JARID2: variants seen among roughly 807,000 people sequenced by gnomAD.
JARID2 encodes protein Jumonji.
In JARID2, 21 loss-of-function variants were observed where a neutral mutation model predicts 125.6. That is an observed-to-expected ratio of 0.17 (90% CI 0.12 to 0.24). JARID2 has a LOEUF of 0.24. Among genes scored for constraint, JARID2 ranks in the 10% least tolerant of loss-of-function variants. JARID2 has a pLI of 1.00. For missense variants in JARID2, 1,303 were observed against 1,639.6 expected (o/e 0.79, Z 3.55); for synonymous variants, 736 against 661.6 (o/e 1.11, Z -1.73).
At chr6:15,345,450 C>G (rs1763213522) in intron 1 of JARID2, among the ~76,000 whole-genome samples, 1 of 152,148 alleles carries the variant, frequency 6.6e-6, no homozygotes, top group African/African-American at 2.4e-5. Context: ...CGAGCTTACT[C>G]ATTGATCTTG....
intron 1 of JARID2, among the ~76,000 whole-genome samples, chr6:15,255,275 T>C (rs916856160): frequency 6.6e-6 from 1 of 151,976 alleles, no homozygotes; most frequent in Admixed American, 6.6e-5. Flanking sequence ...CAGCTAATTT[T>C]TGTATTTTTA....
intron 1 of JARID2, among the ~76,000 whole-genome samples, chr6:15,263,414 A>G (rs1421520091): frequency 1.3e-5 from 2 of 152,082 alleles, no homozygotes; most frequent in South Asian, 2.1e-4. Context: ...TGAACCAAAA[A>G]TGGTTTTTAT....
chr6:15,360,416 C>A (rs953667342), intron 1 of JARID2, among the ~76,000 whole-genome samples: 1 of 152,086 alleles, frequency 6.6e-6, no homozygotes, highest in African/African-American at 2.4e-5. Flanking sequence ...AACTCCTGAC[C>A]TCGTGATCTG....
chr6:15,422,867 GT>G (rs1766560169), intron 3 of JARID2, among the ~76,000 whole-genome samples: 1 of 151,970 alleles, frequency 6.6e-6, no homozygotes. Flanking sequence ...TATTGCTCCA[GT>G]TTACAGGAAG....
chr6:15,440,283 C>T (rs1231088659), intron 3 of JARID2, among the ~76,000 whole-genome samples: 1 of 152,168 alleles, frequency 6.6e-6, no homozygotes, highest in Non-Finnish European at 1.5e-5. Context: ...GCGGACTGGT[C>T]CTTGGCTGAT....
At chr6:15,455,099 C>T (rs1291292040) in intron 4 of JARID2, among the ~76,000 whole-genome samples, 2 of 151,060 alleles carry the variant, frequency 1.3e-5, no homozygotes, top group African/African-American at 2.4e-5. Context: ...GAGGCTGACA[C>T]GGTGGAATCC....
chr6:15,506,383 C>T (rs1404355425), intron 9 of JARID2, among the ~76,000 whole-genome samples: 1 of 152,184 alleles, frequency 6.6e-6, no homozygotes, highest in African/African-American at 2.4e-5. Flanking sequence ...AGGTCGGCCC[C>T]CTCTTTGTGG....
intron 1 of JARID2, among the ~76,000 whole-genome samples, chr6:15,321,342 C>G (rs1251334212): frequency 1.3e-5 from 2 of 152,312 alleles, no homozygotes; most frequent in Non-Finnish European, 2.9e-5. Flanking sequence ...CTAAGGCTAA[C>G]TATGAACTAA....
intron 3 of JARID2, among the ~76,000 whole-genome samples, chr6:15,412,862 C>G (rs12207433): frequency 2.0e-5 from 3 of 152,074 alleles, no homozygotes. Flanking sequence ...TGTGCTGACT[C>G]TGAAGATGAG....
At chr6:15,450,284 C>A (rs527871975) in intron 3 of JARID2, among the ~76,000 whole-genome samples, 1 of 152,118 alleles carries the variant, frequency 6.6e-6, no homozygotes, top group Non-Finnish European at 1.5e-5. Flanking sequence ...ATTCTCCTGC[C>A]TCAGCCTCCT....
intron 4 of JARID2, among the ~76,000 whole-genome samples, chr6:15,454,742 C>T (rs1768078427): frequency 6.6e-6 from 1 of 151,966 alleles, no homozygotes; most frequent in South Asian, 2.1e-4. Context: ...TCTTGGCCTC[C>T]CAAAGTGCTG....
At chr6:15,477,504 G>GTTTTTTTT (rs56055395) in intron 5 of JARID2, among the ~76,000 whole-genome samples, 1 of 137,436 alleles carries the variant, frequency 7.3e-6, no homozygotes. Context: ...GGGAGTGTTG[G>GTTTTTTTT]TTTTTTTTTT....
intron 4 of JARID2, among the ~76,000 whole-genome samples, chr6:15,452,426 C>T (rs1767959590): frequency 6.6e-6 from 1 of 152,128 alleles, no homozygotes. Flanking sequence ...TCTCAATGCA[C>T]AATTATGCAG....
intron 3 of JARID2, among the ~76,000 whole-genome samples, chr6:15,416,808 G>A (rs1387795881): frequency 1.3e-5 from 2 of 152,098 alleles, no homozygotes; most frequent in African/African-American, 4.8e-5. Context: ...GAATGTGAAG[G>A]TGGCCCTGCC....
At chr6:15,459,894 A>G (rs1040444877) in intron 4 of JARID2, among the ~76,000 whole-genome samples, 3 of 152,226 alleles carry the variant, frequency 2.0e-5, no homozygotes, top group African/African-American at 7.2e-5. Context: ...TGGTGCTAAT[A>G]ATGAGCTTCC....
At chr6:15,268,637 A>T (rs1169327295) in intron 1 of JARID2, among the ~76,000 whole-genome samples, 1 of 152,200 alleles carries the variant, frequency 6.6e-6, no homozygotes, top group Admixed American at 6.5e-5. Context: ...AACACAAAAA[A>T]GGGAGCTTTT....
chr6:15,359,802 T>TC (rs890813334), intron 1 of JARID2, among the ~76,000 whole-genome samples: 1 of 151,930 alleles, frequency 6.6e-6, no homozygotes, highest in Admixed American at 6.6e-5. Flanking sequence ...TTCTCCTGTC[T>TC]CGGCGTCCTG....
intron 6 of JARID2, among the ~76,000 whole-genome samples, chr6:15,491,923 C>A (rs549532740): frequency 1.7e-3 from 254 of 152,374 alleles, no homozygotes; most frequent in African/African-American, 5.9e-3. Context: ...CCTGGACTTT[C>A]ATATCTCTCA....
At chr6:15,295,869 G>A (rs1052094108) in intron 1 of JARID2, among the ~76,000 whole-genome samples, 11 of 152,086 alleles carry the variant, frequency 7.2e-5, no homozygotes, top group African/African-American at 2.4e-4. Flanking sequence ...CACCATATTG[G>A]CCAGGCTGGT....
Sources: allele counts gnomAD v4.1 joint callset (sites outside exome capture counted in the v4.1 genomes callset), GRCh38; gene constraint gnomAD v4.1.1; transcripts MANE v1.5; gene names NCBI Gene and HGNC (gene_info 2026-07-23, HGNC 2026-07-21).